The following FAM178B variants were observed in gnomAD, a reference collection of about 807,000 sequenced individuals.
FAM178B encodes the protein family with sequence similarity 178 member B.
FAM178B carries 82 observed loss-of-function variants against 91.7 expected under a neutral mutation model. That is an observed-to-expected ratio of 0.89 (90% confidence interval 0.75 to 1.07). The LOEUF is 1.07. FAM178B is among the 50% of genes least tolerant of loss of function. FAM178B has a pLI of 0.00. For missense variants in FAM178B, 769 were observed against 846.7 expected, an observed-to-expected ratio of 0.91 and a Z score of 1.14; for synonymous variants, 368 against 359.4, an observed-to-expected ratio of 1.02 and a Z score of -0.27.
At chr2:96,914,389 C>T (rs1045541980) in intron 12 of FAM178B, among the ~76,000 whole-genome samples, 3 of 152,172 alleles carry the variant, frequency 2.0e-5, no homozygotes, top group Non-Finnish European at 2.9e-5. Flanking sequence ...GCCCAGTGCA[C>T]CGCAGGGACA....
At position 96,876,114 on chromosome 2, in the gene FAM178B, G is replaced by A. The variant is rs528469437; in HGVS notation, c.*162C>T. 1.0e-3 allele frequency: 695 copies of A among 678,414 alleles called. 1 individual carries two copies. The African/African-American group carries it at 0.011, about 11-fold the overall frequency. The allele number at this position is 678,414 out of a possible 1,614,324, so 42.0% of individuals were successfully genotyped here. ...GCGGTGGCAGAGGCAGGCTCTTGCA[G>A]AGAGGAGAGGGGTCGGGGCGGTGGC... On this transcript the variant is annotated 3_prime_UTR_variant, in exon 17 of 17. Coordinates refer to ENST00000490605, the MANE Select transcript of FAM178B (RefSeq NM_001122646.3).
At position 96,937,809 on chromosome 2, in the gene FAM178B, T is replaced by G. The variant is rs567586845; in HGVS notation, c.1079-8489A>C. 8.1e-4 allele frequency among the ~76,000 whole-genome samples: 124 copies of G among 152,260 alleles called. 3 individuals are homozygous for G. The South Asian group carries it at 0.021, about 25-fold the overall frequency. The stretch of plus-strand genomic sequence containing the variant: ...GGGAGGCCCAGGCAGGCAGATCGCT[T>G]GAGCCCAGGTGTTCGAGACCAGCCT... On this transcript the variant is annotated intron_variant, in intron 8 of 16. Transcript: ENST00000490605.
At chr2:96,910,581 G>A (rs1460910489) in intron 12 of FAM178B, among the ~76,000 whole-genome samples, 3 of 152,034 alleles carry the variant, frequency 2.0e-5, no homozygotes, top group Non-Finnish European at 2.9e-5. Context: ...TATGGCCTTC[G>A]GCATTTCCCA....
intron 12 of FAM178B, among the ~76,000 whole-genome samples, chr2:96,917,019 A>G (rs960898416): frequency 3.9e-5 from 6 of 152,136 alleles, no homozygotes; most frequent in African/African-American, 9.7e-5. Context: ...GCGGCAGGAA[A>G]AAAGAATTAG....
intron 1 of FAM178B, among the ~76,000 whole-genome samples, chr2:96,974,548 G>GGATT (rs1389445787): frequency 6.6e-6 from 1 of 151,860 alleles, no homozygotes; most frequent in Non-Finnish European, 1.5e-5. Flanking sequence ...AAATATAAAC[G>GGATT]GATTAAATTC....
Position 96,921,070 on chromosome 2 carries a change from G to A in FAM178B, c.1562+95C>T, listed in dbSNP as rs2081329386. On this transcript the variant is annotated intron_variant, in intron 12 of 16. Coordinates refer to ENST00000490605, the MANE Select transcript of FAM178B (RefSeq NM_001122646.3). ...TGGGGATTAGAAATTGGGCAGGGGA[G>A]GTTTGTTGGGGCTGATGGGGAGGAC... The A allele has an allele frequency of 9.2e-6, 9 of 981,450 alleles. No homozygotes were observed. The South Asian group carries it at 1.1e-4, about 12-fold the overall frequency. 60.8% of individuals were successfully genotyped at this position (981,450 alleles called of 1,614,324 possible). A position where few individuals can be genotyped will look rare whatever the true frequency, so the allele number is the denominator to read the frequency against.
chr2:96,921,394 C>T (rs778014993), intron 11 of FAM178B, 84 bp downstream of exon 11: 48 of 1,515,964 alleles, frequency 3.2e-5, no homozygotes, highest in Non-Finnish European at 4.3e-5. Flanking sequence ...CCAGGCAGTG[C>T]CATCCCCACC....
At chr2:96,946,180 T>C (rs1439448736) in intron 8 of FAM178B, among the ~76,000 whole-genome samples, 1 of 152,216 alleles carries the variant, frequency 6.6e-6, no homozygotes, top group Non-Finnish European at 1.5e-5. Context: ...ATCCATCTTG[T>C]AGCATGTGTC....
chr2:96,978,876 C>T (rs182671401), intron 1 of FAM178B, among the ~76,000 whole-genome samples: 20 of 151,810 alleles, frequency 1.3e-4, no homozygotes, highest in East Asian at 7.7e-4. Context: ...CCGCCCGCCT[C>T]GGCCTCTCAA....
At chr2:96,915,210 A>G (rs1253474484) in intron 12 of FAM178B, among the ~76,000 whole-genome samples, 1 of 151,952 alleles carries the variant, frequency 6.6e-6, no homozygotes, top group Non-Finnish European at 1.5e-5. Context: ...CCCGGGTTCA[A>G]ATGATTCTCC....
chr2:96,910,195 C>G (rs1406334778), intron 12 of FAM178B, among the ~76,000 whole-genome samples: 1 of 152,118 alleles, frequency 6.6e-6, no homozygotes, highest in Admixed American at 6.5e-5. Flanking sequence ...AAGCCGGAAT[C>G]CCCTAGAGAA....
At position 96,971,919 on chromosome 2, in the gene FAM178B, C is replaced by T; in HGVS notation, c.546G>A (p.Gln182=). The T allele has an allele frequency of 1.3e-6, 2 of 1,501,280 alleles. No individual in the cohort carries two copies. The highest frequency in any genetic ancestry group is 1.8e-6 in the Non-Finnish European group (2 of 1,124,920). The allele number at this position is 1,501,280 out of a possible 1,614,324, so 93.0% of individuals were successfully genotyped here. A position where few individuals can be genotyped will look rare whatever the true frequency, so the allele number is the denominator to read the frequency against. Residue 182 remains glutamine (Q), a synonymous_variant, in exon 3 of 17, where the codon CAG becomes CAA. Transcript: ENST00000490605. ...KLFWNTSGLS[Q]QAAAPEFSWG... is the part of the protein sequence containing the mutation. The stretch of plus-strand genomic sequence containing the variant: ...GGCTCACCTCTGGGGCCGCAGCCTG[C>T]TGGCTCAGGCCTGACGTGTTCCAGA...
At position 96,967,590 on chromosome 2, in the gene FAM178B, G is replaced by GA; in HGVS notation, c.663dup (p.Leu222SerfsTer13). On this transcript the variant is annotated frameshift_variant, in exon 5 of 17. Transcript: ENST00000490605. LOFTEE classifies it high-confidence loss of function. ...GAGTTGAGATTGAGACACTCCTGCA[G>GA]AAGCAGCCTCTCTCGCTCCTGCTCC... 3 of 1,550,534 alleles carry GA rather than the reference G, an allele frequency of 1.9e-6. No individual in the cohort carries two copies. The highest frequency in any genetic ancestry group is 2.6e-6 in the Non-Finnish European group (3 of 1,146,924).
intron 6 of FAM178B, among the ~76,000 whole-genome samples, chr2:96,959,790 C>G (rs1348857661): frequency 3.9e-5 from 6 of 152,226 alleles, no homozygotes. Flanking sequence ...TGATAATGAT[C>G]ATGCATTTAC....
intron 7 of FAM178B, chr2:96,949,981 C>A: frequency 1.0e-6 from 1 of 985,758 alleles, no homozygotes; most frequent in Non-Finnish European, 1.2e-6. Flanking sequence ...GTCTGTCTGT[C>A]TGACCTCAGG....
chr2:96,923,191 T>C (rs1448088516), intron 10 of FAM178B, among the ~76,000 whole-genome samples: 2 of 152,040 alleles, frequency 1.3e-5, no homozygotes, highest in South Asian at 4.1e-4. Flanking sequence ...CAGGCTGGTC[T>C]GGAACTCCTG....
chr2:96,929,596 C>T (rs1365472328), intron 8 of FAM178B, among the ~76,000 whole-genome samples: 3 of 152,246 alleles, frequency 2.0e-5, no homozygotes, highest in African/African-American at 4.8e-5. Flanking sequence ...TGGCCATCCA[C>T]ATCAGGCAGT....
intron 3 of FAM178B, among the ~76,000 whole-genome samples, chr2:96,971,276 C>G (rs986958821): frequency 6.9e-6 from 1 of 144,412 alleles, no homozygotes; most frequent in African/African-American, 2.6e-5. Context: ...TCCTTCTCCC[C>G]CTCCTTCCCT....
chr2:96,903,444 TG>T lies in FAM178B; in HGVS notation c.1563-738del, dbSNP rs973636223. 1.6e-4 allele frequency among the ~76,000 whole-genome samples: 25 copies of T among 152,266 alleles called. No homozygotes were observed. In the South Asian group the frequency reaches 2.9e-3, roughly 18 times the overall value. On this transcript the variant is annotated intron_variant, in intron 12 of 16. Coordinates refer to ENST00000490605, the MANE Select transcript of FAM178B (RefSeq NM_001122646.3). ...CTTGGCCTCAGCAGGCCAAACTTCATGGTTTTCTTTTCACCCAGTATCCACT... is the reference window on the plus strand; with the variant it reads ...CTTGGCCTCAGCAGGCCAAACTTCATGTTTTCTTTTCACCCAGTATCCACT...
Sources: allele counts gnomAD v4.1 joint callset (sites outside exome capture counted in the v4.1 genomes callset), GRCh38; gene constraint gnomAD v4.1.1; transcripts MANE v1.5; gene names NCBI Gene and HGNC (gene_info 2026-07-23, HGNC 2026-07-21).